MCTP1: variants seen among roughly 807,000 people sequenced by gnomAD.
MCTP1 encodes multiple C2 and transmembrane domain containing 1.
In MCTP1, 69 loss-of-function variants were observed where a neutral mutation model predicts 120.6. The observed-to-expected ratio is 0.57, with a 90% CI of 0.47 to 0.70. MCTP1 has a LOEUF of 0.70. Among genes scored for constraint, MCTP1 ranks in the 30% least tolerant of loss-of-function variants. The probability of loss-of-function intolerance (pLI) is 0.00; values close to 1 mark genes in which losing one functional copy is unlikely to be tolerated. For synonymous variants in MCTP1, 529 were observed against 493.1 expected (o/e 1.07, Z -0.96); for missense variants, 1,203 against 1,248.8 (o/e 0.96, Z 0.55).
intron 19 of MCTP1, among the ~76,000 whole-genome samples, chr5:94,770,538 T>C (rs1365373945): frequency 1.3e-5 from 2 of 152,342 alleles, no homozygotes; most frequent in South Asian, 2.1e-4. Context: ...AAGTTAGCTA[T>C]GTAAAACTTT....
At chr5:95,210,262 T>C (rs1045994589) in intron 1 of MCTP1, among the ~76,000 whole-genome samples, 2 of 152,158 alleles carry the variant, frequency 1.3e-5, no homozygotes, top group African/African-American at 4.8e-5. Context: ...CTGTCTAATG[T>C]TGACAGTGGG....
chr5:95,038,297 G>A, intron 1 of MCTP1: 1 of 201,570 alleles, frequency 5.0e-6, no homozygotes, highest in Non-Finnish European at 8.8e-6. Context: ...GGTTGGAGAA[G>A]TTATTAAAAA....
At chr5:95,101,230 A>G (rs1756707070) in intron 1 of MCTP1, among the ~76,000 whole-genome samples, 1 of 152,242 alleles carries the variant, frequency 6.6e-6, no homozygotes, top group South Asian at 2.1e-4. Context: ...ATTTTAAAAA[A>G]TTAAAATATA....
At chr5:94,873,085 T>C in intron 13 of MCTP1, 54 bp downstream of exon 13, 4 of 1,051,014 alleles carry the variant, frequency 3.8e-6, no homozygotes, top group Non-Finnish European at 5.9e-6. Context: ...CCCTCAAAAA[T>C]AAATCAAATT....
Position 94,708,794 on chromosome 5 carries a change from A to G in MCTP1, c.2831-185T>C. ...CTGCTTTTTTTACTTGTACCTTAGT[A>G]GCTTCTTCCAAGCAGGAAAGGCTTT... On this transcript the variant is annotated intron_variant, in intron 21 of 22. Transcript: ENST00000515393. The G allele has an allele frequency of 4.8e-5, 24 of 499,478 alleles. 1 individual carries two copies. The South Asian group carries it at 5.3e-4, about 11-fold the overall frequency. The allele number at this position is 499,478 out of a possible 1,614,324, so 30.9% of individuals were successfully genotyped here. A position where few individuals can be genotyped will look rare whatever the true frequency, so the allele number is the denominator to read the frequency against.
intron 1 of MCTP1, among the ~76,000 whole-genome samples, chr5:95,240,127 T>C (rs1181447267): frequency 6.6e-6 from 1 of 152,222 alleles, no homozygotes; most frequent in Non-Finnish European, 1.5e-5. Flanking sequence ...TGAAAACATA[T>C]AATGTTCTTC....
At chr5:94,785,208 A>G (rs931007102) in intron 18 of MCTP1, among the ~76,000 whole-genome samples, 4 of 152,096 alleles carry the variant, frequency 2.6e-5, no homozygotes, top group Non-Finnish European at 5.9e-5. Flanking sequence ...AGCCTCTTAA[A>G]TTTCTTTTCA....
intron 1 of MCTP1, among the ~76,000 whole-genome samples, chr5:95,182,676 A>G (rs1166202027): frequency 6.6e-6 from 1 of 152,156 alleles, no homozygotes; most frequent in Non-Finnish European, 1.5e-5. Context: ...GAAAGCAAAC[A>G]TTGTATAAAG....
intron 1 of MCTP1, among the ~76,000 whole-genome samples, chr5:95,054,839 G>T (rs558748788): frequency 6.6e-6 from 1 of 152,136 alleles, no homozygotes; most frequent in East Asian, 1.9e-4. Context: ...TTGCTCTGTT[G>T]CCCAGGCTGG....
At chr5:94,779,543 T>C (rs75762758) in intron 18 of MCTP1, among the ~76,000 whole-genome samples, 2,856 of 152,266 alleles carry the variant, frequency 0.019, 33 homozygotes, top group Non-Finnish European at 0.026. Flanking sequence ...GAAACAGCTC[T>C]GCTATTTCTA....
chr5:95,009,051 GGAGAAA>G (rs1400424249), intron 2 of MCTP1, among the ~76,000 whole-genome samples: 10 of 78,134 alleles, frequency 1.3e-4, no homozygotes, highest in African/African-American at 3.1e-4. Context: ...AGTGAGAGAG[GGAGAAA>G]GAGAGAGAGA....
In MCTP1 at chr5:94,773,485, G is replaced by A. The variant is rs565871045; in HGVS notation, c.2610+5625C>T. Among the ~76,000 whole-genome samples, 15 of 152,250 alleles carry A rather than the reference G, an allele frequency of 9.9e-5. No individual in the cohort carries two copies. The South Asian group carries it at 2.3e-3, about 23-fold the overall frequency. On this transcript the variant is annotated intron_variant, in intron 19 of 22. Coordinates refer to ENST00000515393, the MANE Select transcript of MCTP1 (RefSeq NM_024717.7). The stretch of plus-strand genomic sequence containing the variant: ...TTCTAAGATGGCTGCCAAGATTCGC[G>A]CCTTCCAATAGATATATCATGATAG...
At chr5:95,101,840 A>G (rs559355051) in intron 1 of MCTP1, among the ~76,000 whole-genome samples, 1 of 152,332 alleles carries the variant, frequency 6.6e-6, no homozygotes, top group South Asian at 2.1e-4. Flanking sequence ...CCTTTCAAAG[A>G]CAAAATAAAG....
chr5:94,933,970 C>T (rs553967232), intron 5 of MCTP1, among the ~76,000 whole-genome samples: 2 of 151,824 alleles, frequency 1.3e-5, no homozygotes, highest in South Asian at 2.1e-4. Context: ...AAAGATTTAG[C>T]AGTTATGAGA....
chr5:95,162,975 T>A (rs1464655801), intron 1 of MCTP1, among the ~76,000 whole-genome samples: 1 of 152,192 alleles, frequency 6.6e-6, no homozygotes. Flanking sequence ...GTATCATCCT[T>A]ACTCTTTGAA....
intron 1 of MCTP1, among the ~76,000 whole-genome samples, chr5:95,098,082 C>A (rs1290317276): frequency 3.9e-5 from 6 of 152,024 alleles, no homozygotes; most frequent in Non-Finnish European, 8.8e-5. Flanking sequence ...TACTTAAGTT[C>A]CTGTTTCATA....
intron 17 of MCTP1, among the ~76,000 whole-genome samples, chr5:94,817,939 C>T (rs148428042): frequency 1.6e-3 from 238 of 152,224 alleles, no homozygotes; most frequent in African/African-American, 5.1e-3. Flanking sequence ...CCTGGCTCTG[C>T]GTGGTGGACA....
intron 6 of MCTP1, among the ~76,000 whole-genome samples, chr5:94,930,021 G>C (rs1452627259): frequency 6.6e-6 from 1 of 152,014 alleles, no homozygotes; most frequent in Non-Finnish European, 1.5e-5. Context: ...AGTGCTGTTA[G>C]ACATAGGAAT....
At chr5:95,132,595 C>T (rs745927984) in intron 1 of MCTP1, among the ~76,000 whole-genome samples, 3 of 152,174 alleles carry the variant, frequency 2.0e-5, no homozygotes, top group East Asian at 1.9e-4. Flanking sequence ...CCTGACTCGT[C>T]GGCTCTGCAG....
Sources: gnomAD v4.1 joint callset for allele counts (sites outside exome capture counted in the v4.1 genomes callset) on GRCh38, gnomAD v4.1.1 for gene constraint, MANE v1.5 for transcripts, NCBI Gene and HGNC (gene_info 2026-07-23, HGNC 2026-07-21) for gene names.